RPRD1B: variants seen among roughly 807,000 people sequenced by gnomAD.
RPRD1B encodes regulation of nuclear pre-mRNA domain-containing protein 1B.
A neutral mutation model predicts 41.5 loss-of-function variants in RPRD1B; 11 were observed. That is an observed-to-expected ratio of 0.27 (90% CI 0.17 to 0.44). The LOEUF (loss-of-function observed/expected upper bound fraction) is 0.44. Among genes scored for constraint, RPRD1B ranks in the 20% least tolerant of loss-of-function variants. The pLI is 1.00. For missense variants in RPRD1B, 248 were observed against 389.9 expected, an observed-to-expected ratio of 0.64 and a Z score of 3.06; for synonymous variants, 158 against 155.6, an observed-to-expected ratio of 1.02 and a Z score of -0.12.
chr20:38,082,577 C>T (rs559314995), intron 6 of RPRD1B, among the ~76,000 whole-genome samples: 7 of 152,114 alleles, frequency 4.6e-5, no homozygotes, highest in Non-Finnish European at 8.8e-5. Flanking sequence ...TTAATAGAGA[C>T]GGGGTTTCAC....
At chr20:38,083,349 T>G (rs1471785897) in intron 6 of RPRD1B, among the ~76,000 whole-genome samples, 1 of 152,228 alleles carries the variant, frequency 6.6e-6, no homozygotes, top group Non-Finnish European at 1.5e-5. Flanking sequence ...TTAAAGCATT[T>G]TATGAGCATC....
intron 1 of RPRD1B, among the ~76,000 whole-genome samples, chr20:38,037,723 G>A (rs1234831338): frequency 6.6e-6 from 1 of 152,216 alleles, no homozygotes; most frequent in South Asian, 2.1e-4. Flanking sequence ...AAGTTCTGGG[G>A]TGATGAAAAT....
At chr20:38,070,718 G>C in intron 6 of RPRD1B, 1 of 976,310 alleles carries the variant, frequency 1.0e-6, no homozygotes, top group Non-Finnish European at 1.2e-6. Flanking sequence ...GGAACCTGCA[G>C]TTTTCCCTTC....
At position 38,042,228 on chromosome 20, in the gene RPRD1B, C is replaced by T. The variant is rs191052181; in HGVS notation, c.281+1664C>T. 2.7e-3 allele frequency among the ~76,000 whole-genome samples: 417 copies of T among 152,208 alleles called. 2 individuals carry two copies. Among genetic ancestry groups the T allele is most frequent in the African/African-American group, 9.6e-3 (397 of 41,510 alleles). ...AATTAGCCAGGCATGGTGGTGTGCA[C>T]CTGTAGTCCTAGCTACTTGGGAGGC... On this transcript the variant is annotated intron_variant, in intron 2 of 6. Coordinates refer to ENST00000373433, the MANE Select transcript of RPRD1B (RefSeq NM_021215.4).
In RPRD1B at chr20:38,089,980, C is replaced by A; in HGVS notation, c.*105C>A. 1 of 1,493,044 alleles carries A rather than the reference C, an allele frequency of 6.7e-7. No individual in the cohort carries two copies. The highest frequency in any genetic ancestry group is 8.9e-7 in the Non-Finnish European group (1 of 1,126,222). The allele number at this position is 1,493,044 out of a possible 1,614,324, so 92.5% of individuals were successfully genotyped here. On this transcript the variant is annotated 3_prime_UTR_variant, in exon 7 of 7. Transcript: ENST00000373433. ...CCCTGGTTCTATCCCTTCTTCCGCCCAGCCCCCCAGCCTCAAGAAAGAACC... is the reference window on the plus strand; with the variant it reads ...CCCTGGTTCTATCCCTTCTTCCGCCAAGCCCCCCAGCCTCAAGAAAGAACC...
intron 2 of RPRD1B, among the ~76,000 whole-genome samples, chr20:38,046,240 C>G (rs1434995766): frequency 6.6e-6 from 1 of 152,090 alleles, no homozygotes; most frequent in African/African-American, 2.4e-5. Context: ...CCCTAGAGGT[C>G]AGGACCCAGG....
chr20:38,063,218 C>T (rs1248426768), intron 5 of RPRD1B, among the ~76,000 whole-genome samples: 1 of 152,070 alleles, frequency 6.6e-6, no homozygotes, highest in Non-Finnish European at 1.5e-5. Context: ...CGAAGCTCAC[C>T]CTGACCACCT....
chr20:38,052,719 T>C (rs2074198935), intron 3 of RPRD1B, among the ~76,000 whole-genome samples: 1 of 151,530 alleles, frequency 6.6e-6, no homozygotes, highest in Admixed American at 6.6e-5. Flanking sequence ...ATCAATTAGT[T>C]GTAAACACTG....
In RPRD1B at chr20:38,065,998, C is replaced by T. The variant is rs753399767; in HGVS notation, c.656-83C>T. 2.7e-5 allele frequency: 37 copies of T among 1,374,522 alleles called. No individual in the cohort carries two copies. The African/African-American group carries it at 3.9e-4, about 14-fold the overall frequency. The allele number at this position is 1,374,522 out of a possible 1,614,324, so 85.1% of individuals were successfully genotyped here. A position where few individuals can be genotyped will look rare whatever the true frequency, so the allele number is the denominator to read the frequency against. On this transcript the variant is annotated intron_variant, in intron 5 of 6. Coordinates refer to ENST00000373433, the MANE Select transcript of RPRD1B (RefSeq NM_021215.4). ...AGACTCTGTATATTGGGAGAGAAAC[C>T]GTTAACCTCCCCCAGAAATGTTTGT...
chr20:38,070,086 T>G (rs1292268671), intron 6 of RPRD1B: 2 of 470,018 alleles, frequency 4.3e-6, no homozygotes, highest in Non-Finnish European at 5.6e-6. Context: ...AATATGTTAG[T>G]ACGGAAAGGT....
At chr20:38,036,818 TAA>T (rs771872362) in intron 1 of RPRD1B, among the ~76,000 whole-genome samples, 4 of 152,258 alleles carry the variant, frequency 2.6e-5, no homozygotes, top group African/African-American at 4.8e-5. Context: ...ACTAAGGAAC[TAA>T]AGTTTTAAGT....
At position 38,090,848 on chromosome 20, in the gene RPRD1B, T is replaced by C. The variant is rs1376500875; in HGVS notation, c.*973T>C. 2.0e-6 allele frequency: 2 copies of C among 985,350 alleles called. No individual in the cohort carries two copies. Among genetic ancestry groups the C allele is most frequent in the Non-Finnish European group, 1.2e-6 (1 of 829,962 alleles). The allele number at this position is 985,350 out of a possible 1,614,324, so 61.0% of individuals were successfully genotyped here. ...GGGTGCATGTCCACAGTACGGTGGCTAAACTCGAACATCACTGCAAATAGG... is the reference window on the plus strand; with the variant it reads ...GGGTGCATGTCCACAGTACGGTGGCCAAACTCGAACATCACTGCAAATAGG... On this transcript the variant is annotated 3_prime_UTR_variant, in exon 7 of 7. Coordinates refer to ENST00000373433, the MANE Select transcript of RPRD1B (RefSeq NM_021215.4).
intron 1 of RPRD1B, among the ~76,000 whole-genome samples, chr20:38,038,199 G>T (rs572943186): frequency 6.6e-6 from 1 of 151,992 alleles, no homozygotes; most frequent in Non-Finnish European, 1.5e-5. Flanking sequence ...ACAATTCAGG[G>T]TATCCATATT....
At chr20:38,063,437 A>G (rs1321052705) in intron 5 of RPRD1B, among the ~76,000 whole-genome samples, 3 of 152,204 alleles carry the variant, frequency 2.0e-5, no homozygotes, top group Non-Finnish European at 4.4e-5. Flanking sequence ...TAAGAACTCA[A>G]ATTTGTTAAA....
chr20:38,034,586 T>A lies in RPRD1B; in HGVS notation c.151+488T>A, dbSNP rs565892958. Among the ~76,000 whole-genome samples the A allele has an allele frequency of 3.3e-4, 50 of 152,348 alleles. 1 individual carries two copies. The South Asian group carries it at 0.01, about 31-fold the overall frequency. ...TCTGTAAGAGGGAGGCAAGGATAGCTACCCCTTACAAAGCCTTTACTTCAT... is the reference window on the plus strand; with the variant it reads ...TCTGTAAGAGGGAGGCAAGGATAGCAACCCCTTACAAAGCCTTTACTTCAT... On this transcript the variant is annotated intron_variant, in intron 1 of 6. Coordinates refer to ENST00000373433, the MANE Select transcript of RPRD1B (RefSeq NM_021215.4).
chr20:38,042,472 GA>G (rs1452621076), intron 2 of RPRD1B, among the ~76,000 whole-genome samples: 1 of 152,166 alleles, frequency 6.6e-6, no homozygotes, highest in African/African-American at 2.4e-5. Context: ...TTTTTCTTGG[GA>G]ACACCTTAAA....
chr20:38,083,533 G>T (rs2074533769), intron 6 of RPRD1B, among the ~76,000 whole-genome samples: 1 of 152,150 alleles, frequency 6.6e-6, no homozygotes, highest in African/African-American at 2.4e-5. Flanking sequence ...GCCAGTAGAA[G>T]CTCCCTTATC....
intron 2 of RPRD1B, among the ~76,000 whole-genome samples, chr20:38,046,064 G>A (rs1468488662): frequency 3.3e-5 from 5 of 152,072 alleles, no homozygotes; most frequent in African/African-American, 1.2e-4. Flanking sequence ...TTCAATTTTG[G>A]CTATTCCATT....
chr20:38,090,019 C>G lies in RPRD1B; in HGVS notation c.*144C>G. On this transcript the variant is annotated 3_prime_UTR_variant, in exon 7 of 7. Coordinates refer to ENST00000373433, the MANE Select transcript of RPRD1B (RefSeq NM_021215.4). ...CAAGAAAGAACCTCAGACTCTGATT[C>G]TCCTCTTCAGCCTCTCATCTTGAGC... 1 of 1,440,276 alleles carries G rather than the reference C, an allele frequency of 6.9e-7. No individual in the cohort carries two copies. The highest frequency in any genetic ancestry group is 1.4e-5 in the African/African-American group (1 of 70,162). 89.2% of individuals were successfully genotyped at this position (1,440,276 alleles called of 1,614,324 possible). A position where few individuals can be genotyped will look rare whatever the true frequency, so the allele number is the denominator to read the frequency against.
Sources: allele counts gnomAD v4.1 joint callset (sites outside exome capture counted in the v4.1 genomes callset), GRCh38; gene constraint gnomAD v4.1.1; transcripts MANE v1.5; gene names NCBI Gene and HGNC (gene_info 2026-07-23, HGNC 2026-07-21).